PDE11A: variants seen among roughly 807,000 people sequenced by gnomAD.
PDE11A encodes the protein phosphodiesterase 11A, also known as dual 3',5'-cyclic-AMP and -GMP phosphodiesterase 11A.
Under a neutral mutation model 100.5 loss-of-function variants are expected in PDE11A, and 100 were observed. That is an observed-to-expected ratio of 1.00 (90% CI 0.85 to 1.18). The LOEUF (loss-of-function observed/expected upper bound fraction) is 1.18, where lower values mean the gene tolerates loss of function less well. Ranked by LOEUF, PDE11A falls within the 50% of genes most tolerant of loss-of-function variation. The pLI, the probability that PDE11A is intolerant of heterozygous loss-of-function variation, is 0.00. For synonymous variants in PDE11A, 381 were observed against 420.8 expected (o/e 0.91, Z 1.16); for missense variants, 1,141 against 1,152.6 (o/e 0.99, Z 0.15).
Position 177,728,026 on chromosome 2 carries a change from C to T in PDE11A, c.1935G>A (p.Glu645=). ...GGATCACCCAAGACAGACATCTTACCTCATAGTCAATTTTAAATTTCTGTA... is the reference window on the plus strand; with the variant it reads ...GGATCACCCAAGACAGACATCTTACTTCATAGTCAATTTTAAATTTCTGTA... ...GMVQKFKIDY[E]TLCRWLLTVR... Residue 645 remains glutamate, a splice_region_variant and synonymous_variant, in exon 11 of 20, where the codon GAG becomes GAA. Coordinates refer to ENST00000286063, the MANE Select transcript of PDE11A (RefSeq NM_016953.4). 6.2e-7 allele frequency: 1 copy of T among 1,612,810 alleles called. No individual in the cohort carries two copies. Among genetic ancestry groups the T allele is most frequent in the South Asian group, 1.1e-5 (1 of 91,046 alleles).
intron 4 of PDE11A, among the ~76,000 whole-genome samples, chr2:177,897,034 T>C (rs915990908): frequency 1.3e-5 from 2 of 152,224 alleles, no homozygotes; most frequent in South Asian, 2.1e-4. Flanking sequence ...ACAATACTTA[T>C]TAAATGTCCA....
intron 9 of PDE11A, among the ~76,000 whole-genome samples, chr2:177,776,370 C>T (rs955478847): frequency 2.0e-5 from 3 of 152,166 alleles, no homozygotes; most frequent in Non-Finnish European, 4.4e-5. Flanking sequence ...AGAAACAAAT[C>T]CGGAAAACGC....
chr2:178,096,169 C>CTT (rs71010857), intron 2 of PDE11A, among the ~76,000 whole-genome samples: 4 of 120,110 alleles, frequency 3.3e-5, no homozygotes, highest in Admixed American at 8.2e-5. Flanking sequence ...CTTTTCTTTT[C>CTT]TTTTTTTTTT....
intron 19 of PDE11A, among the ~76,000 whole-genome samples, chr2:177,629,901 G>A (rs12997716): frequency 0.62 from 94,266 of 152,094 alleles, 32,329 homozygotes; most frequent in Admixed American, 0.74. Flanking sequence ...GCCTACTTAC[G>A]TGTGCATCTT....
chr2:177,720,282 A>G (rs2081506735), intron 12 of PDE11A, among the ~76,000 whole-genome samples: 1 of 152,146 alleles, frequency 6.6e-6, no homozygotes, highest in Admixed American at 6.5e-5. Context: ...GCAGATTTCA[A>G]TTGCTTACTA....
chr2:177,801,249 T>C (rs527981102), intron 9 of PDE11A, among the ~76,000 whole-genome samples: 1 of 152,350 alleles, frequency 6.6e-6, no homozygotes, highest in Admixed American at 6.5e-5. Context: ...TCCTGCTTTA[T>C]TTTCTTTATG....
chr2:177,970,584 T>C (rs2085756875), intron 2 of PDE11A, among the ~76,000 whole-genome samples: 1 of 151,784 alleles, frequency 6.6e-6, no homozygotes, highest in South Asian at 2.1e-4. Flanking sequence ...ATGTAGCATT[T>C]GAGAAGCAAG....
chr2:177,645,506 T>C (rs1170780434), intron 19 of PDE11A, among the ~76,000 whole-genome samples: 2 of 152,186 alleles, frequency 1.3e-5, no homozygotes, highest in Non-Finnish European at 2.9e-5. Context: ...AAGAACTAGG[T>C]TTCTGATGGC....
chr2:177,696,630 C>T (rs1469260416), intron 15 of PDE11A, among the ~76,000 whole-genome samples: 1 of 146,140 alleles, frequency 6.8e-6, no homozygotes, highest in Non-Finnish European at 1.5e-5. Flanking sequence ...ACTAAATGTG[C>T]TCTGTTTATT....
At chr2:178,024,339 G>C (rs1288035880) in intron 1 of PDE11A, among the ~76,000 whole-genome samples, 1 of 152,102 alleles carries the variant, frequency 6.6e-6, no homozygotes, top group African/African-American at 2.4e-5. Flanking sequence ...TTGGGCCCGG[G>C]AGGCAGAGGT....
intron 2 of PDE11A, among the ~76,000 whole-genome samples, chr2:177,937,979 C>T (rs1288290700): frequency 6.6e-6 from 1 of 152,144 alleles, no homozygotes; most frequent in African/African-American, 2.4e-5. Flanking sequence ...AAATTGGTAA[C>T]TGTGAGTATT....
intron 2 of PDE11A, among the ~76,000 whole-genome samples, chr2:178,003,397 C>G (rs906695355): frequency 3.3e-5 from 5 of 152,074 alleles, no homozygotes; most frequent in Non-Finnish European, 7.4e-5. Flanking sequence ...CTGATACATG[C>G]TACAACATGG....
At chr2:177,694,714 A>C (rs2081085045) in intron 15 of PDE11A, among the ~76,000 whole-genome samples, 1 of 152,232 alleles carries the variant, frequency 6.6e-6, no homozygotes, top group Non-Finnish European at 1.5e-5. Flanking sequence ...CATAGTTAAC[A>C]AATCAAATAG....
intron 9 of PDE11A, among the ~76,000 whole-genome samples, chr2:177,798,241 GC>G (rs2082732841): frequency 6.6e-6 from 1 of 152,148 alleles, no homozygotes; most frequent in African/African-American, 2.4e-5. Flanking sequence ...TGAACAAGAT[GC>G]CCCCTCCTCT....
chr2:178,041,032 C>T (rs562863685), intron 1 of PDE11A, among the ~76,000 whole-genome samples: 48 of 152,144 alleles, frequency 3.2e-4, no homozygotes, highest in Non-Finnish European at 5.9e-4. Flanking sequence ...ATTGATCTCC[C>T]AGGCTCAAGT....
intron 12 of PDE11A, among the ~76,000 whole-genome samples, chr2:177,721,999 T>C (rs940378044): frequency 3.9e-5 from 6 of 152,010 alleles, no homozygotes; most frequent in African/African-American, 1.2e-4. Flanking sequence ...CCGTGGAAAA[T>C]GGAGGCTGTG....
chr2:178,030,132 T>A (rs1030444151), intron 1 of PDE11A, among the ~76,000 whole-genome samples: 2 of 151,988 alleles, frequency 1.3e-5, no homozygotes, highest in African/African-American at 4.8e-5. Flanking sequence ...GAATAACATA[T>A]GAAAATCTCT....
chr2:177,918,765 T>G (rs546822745), intron 2 of PDE11A, among the ~76,000 whole-genome samples: 95 of 152,272 alleles, frequency 6.2e-4, no homozygotes, highest in African/African-American at 2.1e-3. Context: ...TTAACAAAAC[T>G]GAATCAAGTT....
intron 5 of PDE11A, among the ~76,000 whole-genome samples, chr2:177,846,311 G>C (rs551253049): frequency 3.3e-4 from 50 of 152,146 alleles, no homozygotes; most frequent in Non-Finnish European, 6.2e-4. Flanking sequence ...GATAATTCAT[G>C]CAAAGTGCTC....
Sources: allele counts gnomAD v4.1 joint callset (sites outside exome capture counted in the v4.1 genomes callset), GRCh38; gene constraint gnomAD v4.1.1; transcripts MANE v1.5; gene names NCBI Gene and HGNC (gene_info 2026-07-23, HGNC 2026-07-21).